Variants in SMARCC1 observed in about 807,000 individuals in gnomAD.
SMARCC1 encodes the protein SWI/SNF related BAF chromatin remodeling complex subunit C1, also known as SWI/SNF complex subunit SMARCC1.
In SMARCC1, 43 loss-of-function variants were observed where a neutral mutation model predicts 147.4. That is an observed-to-expected ratio of 0.29 (90% CI 0.23 to 0.38). SMARCC1 has a LOEUF of 0.38. SMARCC1 is among the 10% of genes least tolerant of loss of function. SMARCC1 has a pLI of 1.00. For synonymous variants in SMARCC1, 495 were observed against 484.4 expected (o/e 1.02, Z -0.29); for missense variants, 1,119 against 1,381.1 (o/e 0.81, Z 3.01).
Position 47,622,204 on chromosome 3 carries a change from T to C in SMARCC1, c.2781+3A>G. 1 of 1,596,984 alleles carries C rather than the reference T, an allele frequency of 6.3e-7. No individual in the cohort carries two copies. On this transcript the variant is annotated splice_donor_region_variant and intron_variant, in intron 25 of 27. Transcript: ENST00000254480. Reference sequence around the variant, plus strand: ...AAGCCACTAAAAAATTCCAAATACTTACAGCTTCTTTCTCTCTGTCCATGA... The same window carrying C: ...AAGCCACTAAAAAATTCCAAATACTCACAGCTTCTTTCTCTCTGTCCATGA...
At chr3:47,684,196 C>T (rs1427905513) in intron 14 of SMARCC1, among the ~76,000 whole-genome samples, 2 of 150,158 alleles carry the variant, frequency 1.3e-5, no homozygotes, top group South Asian at 2.1e-4. Context: ...GCCGAGATCC[C>T]GCCACTGCAG....
At chr3:47,670,334 C>T (rs1399518457) in intron 19 of SMARCC1, 5 of 313,286 alleles carry the variant, frequency 1.6e-5, no homozygotes, top group Non-Finnish European at 2.3e-5. Flanking sequence ...TGGTTCATGC[C>T]AGAACTTTGG....
intron 2 of SMARCC1, among the ~76,000 whole-genome samples, chr3:47,758,177 TG>T (rs1289603951): frequency 1.3e-5 from 2 of 152,066 alleles, no homozygotes; most frequent in Non-Finnish European, 2.9e-5. Flanking sequence ...TGGAGTGCAG[TG>T]GAATGATCAC....
At chr3:47,633,589 CAA>C (rs1237989850) in intron 24 of SMARCC1, among the ~76,000 whole-genome samples, 1 of 151,014 alleles carries the variant, frequency 6.6e-6, no homozygotes. Context: ...ACTAAAAATA[CAA>C]AAGTTAGCCG....
chr3:47,635,719 T>C (rs2032960583), intron 23 of SMARCC1, among the ~76,000 whole-genome samples: 3 of 152,216 alleles, frequency 2.0e-5, no homozygotes, highest in African/African-American at 7.2e-5. Context: ...ACTACTTCTC[T>C]AAGCCTGACA....
Position 47,736,088 on chromosome 3 carries a change from T to C in SMARCC1, c.522A>G (p.Pro174=), listed in dbSNP as rs1192307826. The C allele has an allele frequency of 1.2e-6, 2 of 1,602,292 alleles. No homozygotes were observed. The highest frequency in any genetic ancestry group is 3.3e-4 in the Middle Eastern group (2 of 6,042). ...TGTTAGCCAACTTCAGATCAATGTC[T>C]GGAATGAGGTAGATGTTGGGTCTGG... is the stretch of plus-strand genomic sequence containing the variant. ...CLTRPNIYLI[P]DIDLKLANKL... is the part of the protein sequence containing the mutation. Residue 174 remains proline (P), a synonymous_variant, in exon 5 of 28, where the codon CCA becomes CCG. Transcript: ENST00000254480.
chr3:47,732,347 T>C (rs1027780918), intron 5 of SMARCC1, among the ~76,000 whole-genome samples: 5 of 152,194 alleles, frequency 3.3e-5, no homozygotes, highest in African/African-American at 1.2e-4. Flanking sequence ...ACTGAAACTT[T>C]CTCAGTATCA....
chr3:47,701,411 T>TA lies in SMARCC1; in HGVS notation c.1041-10dup. The stretch of plus-strand genomic sequence containing the variant: ...CATAAAGGCTAGCTTGGCTAAAACA[T>TA]ACAAGTATATGAAATATAAACAAGA... On this transcript the variant is annotated splice_polypyrimidine_tract_variant and intron_variant, in intron 10 of 27. Coordinates refer to ENST00000254480, the MANE Select transcript of SMARCC1 (RefSeq NM_003074.4). 6.2e-7 allele frequency: 1 copy of TA among 1,612,750 alleles called. No homozygotes were observed. The highest frequency in any genetic ancestry group is 8.5e-7 in the Non-Finnish European group (1 of 1,178,956).
At chr3:47,753,984 A>G (rs1040404816) in intron 2 of SMARCC1, among the ~76,000 whole-genome samples, 1 of 152,148 alleles carries the variant, frequency 6.6e-6, no homozygotes, top group Non-Finnish European at 1.5e-5. Context: ...TACCTCACAA[A>G]ATAAAATGAC....
intron 21 of SMARCC1, among the ~76,000 whole-genome samples, chr3:47,657,641 A>AACAC (rs758512388): frequency 6.1e-4 from 93 of 151,818 alleles, no homozygotes; most frequent in Non-Finnish European, 9.4e-4. Flanking sequence ...TCTACTTAAA[A>AACAC]ACACACACAC....
intron 16 of SMARCC1, among the ~76,000 whole-genome samples, chr3:47,677,425 G>A (rs2033588223): frequency 6.7e-6 from 1 of 148,252 alleles, no homozygotes; most frequent in South Asian, 2.2e-4. Context: ...TTTAATTTCG[G>A]CAGAGCTAGG....
Position 47,662,515 on chromosome 3 carries a change from G to A in SMARCC1, c.1977C>T (p.Leu659=), listed in dbSNP as rs762336672. ...CCTCAATGGGAAGTCTCAAAAAGTG[G>A]AGGATGCATTCATCCTGAGTACGAC... The part of the protein sequence containing the change: ...VGSRTQDECI[L]HFLRLPIEDP... Residue 659 remains leucine (L), a synonymous_variant, in exon 20 of 28, where the codon CTC becomes CTT. Transcript: ENST00000254480. 3.7e-6 allele frequency: 6 copies of A among 1,613,516 alleles called. No individual in the cohort carries two copies. In the Admixed American group the frequency reaches 1.0e-4, roughly 27 times the overall value.
At position 47,590,787 on chromosome 3, in the gene SMARCC1, G is replaced by A. The variant is rs1033850094; in HGVS notation, c.3094C>T (p.Arg1032Cys). 6.9e-6 allele frequency: 11 copies of A among 1,603,622 alleles called. No homozygotes were observed. The highest frequency in any genetic ancestry group is 1.7e-4 in the Middle Eastern group (1 of 6,058). The change falls in exon 27 of 28, where the codon CGC becomes TGC. Residue 1032 changes from arginine to cysteine, a missense_variant. Physicochemically the swap from Arg to Cys is radical, Grantham distance 180 (BLOSUM62 -3). Around this residue, in one of 6 missense-constraint regions of SMARCC1, gnomAD observed 186 missense variants for 216.5 expected, o/e 0.86. Transcript: ENST00000254480. ...TTGGCTGCAACAGTGGGAATCATGC[G>A]GCCTGGCATGTGCTGCCCGGGCATC... ...SMMPGQHMPGRMIPTVAANIH... is the reference protein window; with the variant it reads ...SMMPGQHMPGCMIPTVAANIH...
intron 19 of SMARCC1, chr3:47,664,047 T>C (rs1301174515): frequency 1.7e-5 from 10 of 583,880 alleles, no homozygotes; most frequent in African/African-American, 7.5e-5. Flanking sequence ...CCATGCGTCG[T>C]TGGGGGAGGA....
intron 21 of SMARCC1, among the ~76,000 whole-genome samples, chr3:47,648,799 TC>T (rs2033151300): frequency 6.6e-6 from 1 of 152,182 alleles, no homozygotes; most frequent in African/African-American, 2.4e-5. Flanking sequence ...ATTATTTTTT[TC>T]ATGTATGTGT....
chr3:47,599,919 C>T (rs2032357634), intron 26 of SMARCC1, among the ~76,000 whole-genome samples: 1 of 152,202 alleles, frequency 6.6e-6, no homozygotes, highest in South Asian at 2.1e-4. Flanking sequence ...TGCCTGCAGG[C>T]TCTTGCTCTT....
chr3:47,645,563 C>T lies in SMARCC1; in HGVS notation c.2321-6783G>A, dbSNP rs1305115759. Among the ~76,000 whole-genome samples, 4 of 152,088 alleles carry T rather than the reference C, an allele frequency of 2.6e-5. No homozygotes were observed. In the East Asian group the frequency reaches 5.8e-4, roughly 22 times the overall value. On this transcript the variant is annotated intron_variant, in intron 21 of 27. Transcript: ENST00000254480. ...TTGTTTATTAAAAACAAACAAAACC[C>T]CCAAACTTCAGGTTACTTTTAAAAT...
chr3:47,778,610 C>T (rs1022749857), intron 1 of SMARCC1, among the ~76,000 whole-genome samples: 1 of 152,118 alleles, frequency 6.6e-6, no homozygotes, highest in African/African-American at 2.4e-5. Context: ...AGCCACTGCA[C>T]CTGGCCCAAT....
chr3:47,780,178 T>TG (rs1384354328), intron 1 of SMARCC1, among the ~76,000 whole-genome samples: 1 of 138,322 alleles, frequency 7.2e-6, no homozygotes, highest in African/African-American at 2.6e-5. Flanking sequence ...GTTTTTTTTT[T>TG]TTTTTTTTTT....
Sources: gnomAD v4.1 joint callset for allele counts (sites outside exome capture counted in the v4.1 genomes callset) on GRCh38, gnomAD v4.1.1 for gene constraint, gnomAD v4.1.1 regional missense constraint, MANE v1.5 for transcripts, NCBI Gene and HGNC (gene_info 2026-07-23, HGNC 2026-07-21) for gene names.